Variants in AGMO observed in about 807,000 individuals in gnomAD.
AGMO encodes the protein alkylglycerol monooxygenase, also known as glyceryl-ether monooxygenase.
A neutral mutation model predicts 60.2 loss-of-function variants in AGMO; 75 were observed. That is an observed-to-expected ratio of 1.25 (90% CI 1.03 to 1.51). The LOEUF is 1.51. Ranked by LOEUF, AGMO falls within the 40% of genes most tolerant of loss-of-function variation. The probability of loss-of-function intolerance (pLI) is 0.00; values close to 1 mark genes in which losing one functional copy is unlikely to be tolerated. For missense variants in AGMO, 763 were observed against 525.5 expected (o/e 1.45, Z -4.42); for synonymous variants, 261 against 177.1 (o/e 1.47, Z -3.76).
intron 3 of AGMO, among the ~76,000 whole-genome samples, chr7:15,513,094 A>G (rs1245677818): frequency 6.6e-6 from 1 of 152,184 alleles, no homozygotes; most frequent in Admixed American, 6.5e-5. Context: ...GTCTGATACT[A>G]TTGAAATCTG....
At chr7:15,291,628 G>T (rs1784266977) in intron 12 of AGMO, among the ~76,000 whole-genome samples, 1 of 152,018 alleles carries the variant, frequency 6.6e-6, no homozygotes, top group Non-Finnish European at 1.5e-5. Context: ...CAACTGAAAA[G>T]CTTTTTGATG....
chr7:15,211,891 T>C (rs991896449), intron 12 of AGMO, among the ~76,000 whole-genome samples: 1 of 151,974 alleles, frequency 6.6e-6, no homozygotes, highest in Non-Finnish European at 1.5e-5. Flanking sequence ...ATAAAAAGAA[T>C]AACATTCAAC....
At chr7:15,373,218 C>T (rs1783297897) in intron 10 of AGMO, among the ~76,000 whole-genome samples, 2 of 151,328 alleles carry the variant, frequency 1.3e-5, no homozygotes, top group African/African-American at 2.4e-5. Context: ...GAGGTGGTTT[C>T]AGTGAGCTGA....
chr7:15,360,913 A>G (rs1782725158), intron 12 of AGMO, among the ~76,000 whole-genome samples: 1 of 148,190 alleles, frequency 6.7e-6, no homozygotes, highest in Non-Finnish European at 1.5e-5. Context: ...GATCCTCATG[A>G]AAATAAGAAG....
chr7:15,219,206 G>A (rs952093225), intron 12 of AGMO, among the ~76,000 whole-genome samples: 5 of 152,080 alleles, frequency 3.3e-5, no homozygotes, highest in African/African-American at 9.7e-5. Context: ...CTACTCTTAC[G>A]GGGTTTGAAT....
chr7:15,248,528 T>G (rs1473956416), intron 12 of AGMO, among the ~76,000 whole-genome samples: 1 of 152,054 alleles, frequency 6.6e-6, no homozygotes, highest in African/African-American at 2.4e-5. Flanking sequence ...TAAGGGCAAG[T>G]GGTGACTTAT....
At chr7:15,504,779 T>TAAAA (rs77098444) in intron 3 of AGMO, among the ~76,000 whole-genome samples, 2 of 116,494 alleles carry the variant, frequency 1.7e-5, no homozygotes, top group African/African-American at 5.9e-5. Context: ...CTAGTTAAAA[T>TAAAA]AAAAAAAAAA....
At chr7:15,446,603 A>G (rs1340870208) in intron 3 of AGMO, among the ~76,000 whole-genome samples, 4 of 152,210 alleles carry the variant, frequency 2.6e-5, no homozygotes, top group Admixed American at 6.5e-5. Context: ...ATGCTATGCC[A>G]TACATAATTC....
intron 5 of AGMO, among the ~76,000 whole-genome samples, chr7:15,401,202 G>T (rs1436998942): frequency 6.6e-6 from 1 of 151,962 alleles, no homozygotes; most frequent in African/African-American, 2.4e-5. Flanking sequence ...AAATACTTTA[G>T]AGTTGAATTC....
downstream of AGMO, among the ~76,000 whole-genome samples, chr7:15,196,070 G>C (rs937511003): frequency 2.0e-5 from 3 of 150,738 alleles, no homozygotes. Context: ...TTTTGACAGA[G>C]TCTCGCTCTG....
intron 3 of AGMO, among the ~76,000 whole-genome samples, chr7:15,479,178 G>T (rs567287384): frequency 6.6e-6 from 1 of 152,028 alleles, no homozygotes; most frequent in African/African-American, 2.4e-5. Flanking sequence ...GATATAATTC[G>T]TGTGAAAAAG....
rs769377948 is a variant in AGMO, at chr7:15,394,109, T to C, written c.676+4A>G. 6.2e-7 allele frequency: 1 copy of C among 1,605,786 alleles called. No homozygotes were observed. Among genetic ancestry groups the C allele is most frequent in the Non-Finnish European group, 8.5e-7 (1 of 1,174,202 alleles). On this transcript the variant is annotated splice_donor_region_variant and intron_variant, in intron 6 of 12. Coordinates refer to ENST00000342526, the MANE Select transcript of AGMO (RefSeq NM_001004320.2). The stretch of plus-strand genomic sequence containing the variant: ...AAAAGAGAGAAGAAACAAAACTTCC[T>C]TACCATGATGAACCCTATGATGGCT...
intron 12 of AGMO, among the ~76,000 whole-genome samples, chr7:15,338,956 G>A (rs553154440): frequency 6.6e-6 from 1 of 152,262 alleles, no homozygotes; most frequent in African/African-American, 2.4e-5. Context: ...CAATTCTCCA[G>A]ATACATTTTT....
At chr7:15,483,843 T>C (rs1282524265) in intron 3 of AGMO, among the ~76,000 whole-genome samples, 2 of 152,170 alleles carry the variant, frequency 1.3e-5, no homozygotes, top group African/African-American at 4.8e-5. Flanking sequence ...TTAAAATTTA[T>C]ATAAAGATTC....
intron 3 of AGMO, among the ~76,000 whole-genome samples, chr7:15,521,594 A>G (rs1275831642): frequency 6.6e-6 from 1 of 152,208 alleles, no homozygotes; most frequent in Non-Finnish European, 1.5e-5. Context: ...CAATGACAAA[A>G]AACACATGAT....
chr7:15,298,945 G>A (rs529148278), intron 12 of AGMO, among the ~76,000 whole-genome samples: 4 of 151,994 alleles, frequency 2.6e-5, no homozygotes, highest in East Asian at 1.9e-4. Context: ...TTAACTCCCC[G>A]TGATATTTCA....
intron 3 of AGMO, among the ~76,000 whole-genome samples, chr7:15,522,451 A>G (rs1784022612): frequency 2.6e-5 from 4 of 152,228 alleles, no homozygotes; most frequent in Non-Finnish European, 4.4e-5. Flanking sequence ...TTCAAACTAT[A>G]CTACAAGGCT....
Position 15,430,591 on chromosome 7 carries a change from A to AGTT in AGMO, c.513+411_513+413dup, listed in dbSNP as rs1583544116. Among the ~76,000 whole-genome samples, 7 of 86,132 alleles carry AGTT rather than the reference A, an allele frequency of 8.1e-5. No individual in the cohort carries two copies. The East Asian group carries it at 1.8e-3, about 22-fold the overall frequency. The allele number at this position is 86,132 out of a possible 152,430, so 56.5% of individuals were successfully genotyped here. ...GCATTCAACTAGATTTTAGAGAATT[A>AGTT]GTTGTTTTTTTTAAAAAAAAAAAAC... is the stretch of plus-strand genomic sequence containing the variant. On this transcript the variant is annotated intron_variant, in intron 4 of 12. Transcript: ENST00000342526.
intron 3 of AGMO, among the ~76,000 whole-genome samples, chr7:15,460,162 A>G (rs1782109326): frequency 7.0e-6 from 1 of 142,828 alleles, no homozygotes; most frequent in Admixed American, 7.2e-5. Context: ...GCCGGAGTGC[A>G]GTGGCGTGAT....
Sources: allele counts gnomAD v4.1 joint callset (sites outside exome capture counted in the v4.1 genomes callset), GRCh38; gene constraint gnomAD v4.1.1; transcripts MANE v1.5; gene names NCBI Gene and HGNC (gene_info 2026-07-23, HGNC 2026-07-21).